CLCN4: variants seen among roughly 807,000 people sequenced by gnomAD.
The protein encoded by CLCN4 is Cl-/H+ antiporter 4, also known as H(+)/Cl(-) exchange transporter 4.
Under a neutral mutation model 41.7 loss-of-function variants are expected in CLCN4, and 1 was observed. That is an observed-to-expected ratio of 0.02 (90% CI 0.01 to 0.11). CLCN4 has a LOEUF of 0.11. Ranked by LOEUF, CLCN4 falls within the 10% of genes least tolerant of loss-of-function variation. CLCN4 has a pLI of 1.00. For synonymous variants in CLCN4, 277 were observed against 285.8 expected, an observed-to-expected ratio of 0.97 and a Z score of 0.31; for missense variants, 287 against 661.0, an observed-to-expected ratio of 0.43 and a Z score of 6.20.
In CLCN4 at chrX:10,167,378, G is replaced by GGGGTTTCA. The variant is rs1247306335; in HGVS notation, c.-12+8830_-12+8837dup. Among the ~76,000 whole-genome samples, 3 of 112,142 alleles carry GGGGTTTCA rather than the reference G, an allele frequency of 2.7e-5. No homozygotes were observed. The East Asian group carries it at 8.4e-4, about 31-fold the overall frequency. On this transcript the variant is annotated intron_variant, in intron 2 of 12. Transcript: ENST00000380833. ...GATTACAAATGAAAATGAAATTCCT[G>GGGGTTTCA]GGGTTTCAGGCAAGGTGGAATAAGG... is the stretch of plus-strand genomic sequence containing the variant.
rs1318587542 is a variant in CLCN4, at chrX:10,192,783, CA to C, written c.245-2127del. On this transcript the variant is annotated intron_variant, in intron 4 of 12. Coordinates refer to ENST00000380833, the MANE Select transcript of CLCN4 (RefSeq NM_001830.4). The stretch of plus-strand genomic sequence containing the variant: ...GAGGAAGCTCCTGCAGCAGTCCAGC[CA>C]GCAATGACTTCAACACGGTGATCTG... Among the ~76,000 whole-genome samples the C allele has an allele frequency of 6.2e-5, 7 of 112,192 alleles. No homozygotes were observed. In the Admixed American group the frequency reaches 6.6e-4, roughly 11 times the overall value.
chrX:10,178,239 C>T (rs1186370659), intron 2 of CLCN4, among the ~76,000 whole-genome samples: 1 of 111,786 alleles, frequency 8.9e-6, no homozygotes, highest in East Asian at 2.8e-4. Flanking sequence ...TGTGAATTTC[C>T]TGTAAACCAC....
chrX:10,210,830 T>C (rs1247784875), intron 9 of CLCN4, among the ~76,000 whole-genome samples: 1 of 106,396 alleles, frequency 9.4e-6, no homozygotes, highest in Non-Finnish European at 1.9e-5. Flanking sequence ...GTATTTTTTG[T>C]AGAGATGGGG....
intron 2 of CLCN4, 69 bp from the exon 3 acceptor site, chrX:10,184,953 T>A (rs769284662): frequency 1.1e-6 from 1 of 892,308 alleles, no homozygotes; most frequent in East Asian, 3.2e-5. Context: ...ATAGGGCACA[T>A]GGACTATTCT....
In CLCN4 at chrX:10,208,345, A is replaced by G. The variant is rs1924449148; in HGVS notation, c.1144A>G (p.Ile382Val). The part of the protein sequence containing the change: ...EVIVVTAITA[I>V]IAYPNPYTRQ... Reference sequence around the variant, plus strand: ...CATTGTGGTGACTGCCATCACTGCCATCATTGCCTACCCCAATCCCTACAC... The same window carrying G: ...CATTGTGGTGACTGCCATCACTGCCGTCATTGCCTACCCCAATCCCTACAC... Residue 382 changes from isoleucine (I) to valine (V), a missense_variant, in exon 9 of 13, where the codon ATC becomes GTC. Physicochemically the swap from Ile to Val is conservative, Grantham distance 29. Coordinates refer to ENST00000380833, the MANE Select transcript of CLCN4 (RefSeq NM_001830.4). The G allele has an allele frequency of 1.7e-6, 2 of 1,208,585 alleles. No individual in the cohort carries two copies. Among genetic ancestry groups the G allele is most frequent in the African/African-American group, 1.8e-5 (1 of 56,668 alleles).
chrX:10,179,248 G>C (rs1228243648), intron 2 of CLCN4, among the ~76,000 whole-genome samples: 1 of 111,144 alleles, frequency 9.0e-6, no homozygotes, highest in Non-Finnish European at 1.9e-5. Flanking sequence ...GAAAGGGGCC[G>C]GTGCTGTTTC....
chrX:10,191,633 T>A (rs1923963317), intron 4 of CLCN4, among the ~76,000 whole-genome samples: 1 of 109,328 alleles, frequency 9.1e-6, no homozygotes, highest in South Asian at 4.0e-4. Flanking sequence ...TTGAGCAATC[T>A]GCCTGCCTCA....
intron 11 of CLCN4, among the ~76,000 whole-genome samples, chrX:10,218,127 G>C (rs1290569929): frequency 9.0e-6 from 1 of 111,291 alleles, no homozygotes; most frequent in Non-Finnish European, 1.9e-5. Flanking sequence ...ATTAAAGACA[G>C]TTTTAAAAAC....
At chrX:10,199,628 G>A (rs1447954791) in intron 6 of CLCN4, among the ~76,000 whole-genome samples, 2 of 112,233 alleles carry the variant, frequency 1.8e-5, no homozygotes, top group African/African-American at 6.5e-5. Context: ...CATTTACCTG[G>A]TATTTCTCCT....
chrX:10,221,894 G>A (rs1225937913), intron 12 of CLCN4, among the ~76,000 whole-genome samples: 2 of 111,533 alleles, frequency 1.8e-5, no homozygotes, highest in African/African-American at 3.3e-5. Context: ...AACTGAGGTC[G>A]CTTGTGGATG....
At chrX:10,189,284 C>T (rs986769153) in intron 4 of CLCN4, among the ~76,000 whole-genome samples, 2 of 112,394 alleles carry the variant, frequency 1.8e-5, no homozygotes, top group African/African-American at 6.5e-5. Flanking sequence ...GATTCATTGA[C>T]TGACCTAGGA....
chrX:10,210,400 A>G (rs1381648433), intron 9 of CLCN4, among the ~76,000 whole-genome samples: 5 of 111,765 alleles, frequency 4.5e-5, no homozygotes, highest in African/African-American at 1.6e-4. Context: ...ACCAGCACCC[A>G]GGACCAGAAG....
rs370549921 is a variant in CLCN4 at position 10,220,887 on chromosome X, C to T, written c.2192+10C>T. 3.2e-5 allele frequency: 38 copies of T among 1,190,035 alleles called. No homozygotes were observed. In the South Asian group the frequency reaches 5.0e-4, roughly 16 times the overall value. On this transcript the variant is annotated intron_variant, in intron 12 of 12. Transcript: ENST00000380833. ...TGGTGACGCGGAGCGGGTGAGTAGCCGGACATGTGGCCAGAATGACCTAGG... is the reference window on the plus strand; with the variant it reads ...TGGTGACGCGGAGCGGGTGAGTAGCTGGACATGTGGCCAGAATGACCTAGG...
intron 2 of CLCN4, among the ~76,000 whole-genome samples, chrX:10,165,020 T>C (rs1250660364): frequency 8.9e-6 from 1 of 112,406 alleles, no homozygotes; most frequent in African/African-American, 3.2e-5. Flanking sequence ...CCCCCACACT[T>C]GTTCCCTTGT....
At position 10,213,912 on chromosome X, in the gene CLCN4, G is replaced by A. The variant is rs201895993; in HGVS notation, c.1808G>A (p.Arg603Gln). 2 of 1,211,194 alleles carry A rather than the reference G, an allele frequency of 1.7e-6. No individual in the cohort carries two copies. Among genetic ancestry groups the A allele is most frequent in the Non-Finnish European group, 2.2e-6 (2 of 895,353 alleles). ...RTLATDVMRPRRGEPPLSVLT... is the reference protein window; with the variant it reads ...RTLATDVMRPQRGEPPLSVLT... ...CTGGCCACCGACGTCATGCGGCCCCGGCGGGGAGAGCCGCCACTGTCGGTG... is the reference window on the plus strand; with the variant it reads ...CTGGCCACCGACGTCATGCGGCCCCAGCGGGGAGAGCCGCCACTGTCGGTG... Residue 603 changes from arginine (R) to glutamine (Q), a missense_variant, in exon 11 of 13, where the codon CGG (arginine) becomes CAG (glutamine). By Grantham distance (43) the Arg-to-Gln change is conservative. This residue lies in a region of CLCN4 where 71 missense variants were observed against 104.5 expected (regional missense o/e 0.68). Coordinates refer to ENST00000380833, the MANE Select transcript of CLCN4 (RefSeq NM_001830.4).
Position 10,198,126 on chromosome X carries a change from A to G in CLCN4, c.555+65A>G, listed in dbSNP as rs754255433. On this transcript the variant is annotated intron_variant, in intron 6 of 12. Transcript: ENST00000380833. ...TAGCAAATTCTTCTGTAGCACTGTC[A>G]TGCCAAGCACAGTTCCAAGCGTTTT... The G allele has an allele frequency of 1.6e-5, 17 of 1,088,947 alleles. 1 individual carries two copies. Among genetic ancestry groups the G allele is most frequent in the Non-Finnish European group, 2.0e-5 (16 of 793,758 alleles). The allele number at this position is 1,088,947 out of a possible 1,213,427, so 89.7% of individuals were successfully genotyped here.
intron 2 of CLCN4, among the ~76,000 whole-genome samples, chrX:10,177,846 A>G (rs969210720): frequency 6.2e-5 from 7 of 112,054 alleles, no homozygotes; most frequent in African/African-American, 1.6e-4. Context: ...AGCCTTATTC[A>G]TAATAGCCCA....
chrX:10,170,971 G>A (rs1271608663), intron 2 of CLCN4, among the ~76,000 whole-genome samples: 2 of 112,359 alleles, frequency 1.8e-5, no homozygotes, highest in Non-Finnish European at 3.8e-5. Context: ...TGCAACCTCC[G>A]CCTCCCGGGT....
Position 10,212,536 on chromosome X carries a change from G to A in CLCN4, c.1459G>A (p.Val487Met), listed in dbSNP as rs1209518513. 2 of 1,211,799 alleles carry A rather than the reference G, an allele frequency of 1.7e-6. No homozygotes were observed. Among genetic ancestry groups the A allele is most frequent in the Non-Finnish European group, 2.2e-6 (2 of 895,386 alleles). Residue 487 changes from valine (V) to methionine (M), a missense_variant, in exon 10 of 13, where the codon GTG (valine) becomes ATG (methionine). By Grantham distance (21) the Val-to-Met change is conservative. Transcript: ENST00000380833. ...AGCGGGCAGGATGGTGGGAATTGGC[G>A]TGGAGCAGCTGGCCTACCATCACCA... is the stretch of plus-strand genomic sequence containing the variant. ...AIAGRMVGIG[V>M]EQLAYHHHDW...
Sources: allele counts gnomAD v4.1 joint callset (sites outside exome capture counted in the v4.1 genomes callset), GRCh38; gene constraint gnomAD v4.1.1; regional missense constraint gnomAD v4.1.1; transcripts MANE v1.5; gene names NCBI Gene and HGNC (gene_info 2026-07-23, HGNC 2026-07-21).